RPS6KA2: variants seen among roughly 807,000 people sequenced by gnomAD.
The protein encoded by RPS6KA2 is ribosomal protein S6 kinase A2, also known as ribosomal protein S6 kinase alpha-2.
In RPS6KA2, 42 loss-of-function variants were observed where a neutral mutation model predicts 91.8. That is an observed-to-expected ratio of 0.46 (90% confidence interval 0.36 to 0.59). The LOEUF (loss-of-function observed/expected upper bound fraction) is 0.59. Ranked by LOEUF, RPS6KA2 falls within the 20% of genes least tolerant of loss-of-function variation. The pLI, the probability that RPS6KA2 is intolerant of heterozygous loss-of-function variation, is 0.00. For missense variants in RPS6KA2, 798 were observed against 978.5 expected (o/e 0.82, Z 2.46); for synonymous variants, 414 against 393.6 (o/e 1.05, Z -0.61).
intron 2 of RPS6KA2, among the ~76,000 whole-genome samples, chr6:166,844,182 A>C (rs1780554396): frequency 6.6e-6 from 1 of 152,144 alleles, no homozygotes; most frequent in East Asian, 1.9e-4. Context: ...TTCAGAGCTC[A>C]AAGACAAGGC....
intron 2 of RPS6KA2, among the ~76,000 whole-genome samples, chr6:166,747,135 C>T (rs975183838): frequency 6.6e-6 from 1 of 152,146 alleles, no homozygotes; most frequent in East Asian, 1.9e-4. Context: ...TAAGCTTGAC[C>T]GTCAGCCCCT....
At chr6:166,618,234 C>T (rs900851984) in intron 1 of RPS6KA2, among the ~76,000 whole-genome samples, 2 of 152,236 alleles carry the variant, frequency 1.3e-5, no homozygotes, top group East Asian at 1.9e-4. Context: ...GATCTGAACA[C>T]GAACCACCAC....
At chr6:166,818,545 A>G (rs942111697) in intron 2 of RPS6KA2, among the ~76,000 whole-genome samples, 3 of 152,104 alleles carry the variant, frequency 2.0e-5, no homozygotes, top group Admixed American at 2.0e-4. Context: ...GTCCCTTTCT[A>G]TTTCTCAGGA....
chr6:166,467,015 TTCAC>T (rs997972218), intron 11 of RPS6KA2, among the ~76,000 whole-genome samples: 13 of 149,826 alleles, frequency 8.7e-5, no homozygotes, highest in African/African-American at 1.2e-4. Context: ...TACTCATTCA[TTCAC>T]TCATTCATTC....
intron 10 of RPS6KA2, among the ~76,000 whole-genome samples, chr6:166,475,066 A>C (rs915537800): frequency 1.3e-5 from 2 of 152,114 alleles, no homozygotes; most frequent in Admixed American, 1.3e-4. Flanking sequence ...CGAGTCCTCC[A>C]CCTGGGAGGC....
chr6:166,474,352 G>A (rs1026408836), intron 10 of RPS6KA2, among the ~76,000 whole-genome samples: 1 of 152,244 alleles, frequency 6.6e-6, no homozygotes, highest in Non-Finnish European at 1.5e-5. Context: ...CAGGCAGCAG[G>A]TGTGCTGTGA....
In RPS6KA2 at chr6:166,715,858, T is replaced by C. The variant is rs542738757; in HGVS notation, c.123+142342A>G. On this transcript the variant is annotated intron_variant, in intron 2 of 21. Coordinates refer to the RPS6KA2 transcript ENST00000503859. ...TTCAAGACCAGCCCGGGCAACATGG[T>C]GAAACCCCGTCTCTACTAAAAATAC... is the stretch of plus-strand genomic sequence containing the variant. 9.2e-5 allele frequency among the ~76,000 whole-genome samples: 14 copies of C among 151,932 alleles called. No homozygotes were observed. In the East Asian group the frequency reaches 2.7e-3, roughly 29 times the overall value.
At chr6:166,426,834 A>G (rs1351983267) in intron 16 of RPS6KA2, among the ~76,000 whole-genome samples, 1 of 142,138 alleles carries the variant, frequency 7.0e-6, no homozygotes, top group Non-Finnish European at 1.5e-5. Context: ...AAAAGAGTCC[A>G]GGACCAGATG....
At chr6:166,760,916 T>C (rs975513048) in intron 2 of RPS6KA2, among the ~76,000 whole-genome samples, 1 of 152,208 alleles carries the variant, frequency 6.6e-6, no homozygotes, top group Non-Finnish European at 1.5e-5. Flanking sequence ...ATTAGCAAAA[T>C]AAATCAGGCC....
chr6:166,790,147 C>T (rs929585122), intron 2 of RPS6KA2, among the ~76,000 whole-genome samples: 1 of 151,956 alleles, frequency 6.6e-6, no homozygotes, highest in Non-Finnish European at 1.5e-5. Context: ...ACTAGAATAA[C>T]CAATGCAGAG....
chr6:166,549,037 C>A (rs1206091711), intron 1 of RPS6KA2, among the ~76,000 whole-genome samples: 1 of 152,174 alleles, frequency 6.6e-6, no homozygotes, highest in Non-Finnish European at 1.5e-5. Flanking sequence ...TATTTCACCA[C>A]TGAAGATACA....
intron 3 of RPS6KA2, among the ~76,000 whole-genome samples, chr6:166,521,888 T>C (rs895662292): frequency 6.6e-6 from 1 of 152,148 alleles, no homozygotes; most frequent in Admixed American, 6.5e-5. Flanking sequence ...TGGTTTTAGG[T>C]GGGGCCTCCG....
intron 2 of RPS6KA2, among the ~76,000 whole-genome samples, chr6:166,654,765 G>A (rs1263430073): frequency 6.6e-6 from 1 of 152,104 alleles, no homozygotes; most frequent in Non-Finnish European, 1.5e-5. Context: ...TTAGATTAGG[G>A]TAAAATATTT....
intron 13 of RPS6KA2, 73 bp downstream of exon 13, chr6:166,451,030 A>G: frequency 6.3e-7 from 1 of 1,585,446 alleles, no homozygotes; most frequent in South Asian, 1.1e-5. Context: ...GACTGAGGCC[A>G]CAGGGAACAC....
At chr6:166,504,935 T>C (rs1782144273) in intron 5 of RPS6KA2, among the ~76,000 whole-genome samples, 1 of 152,210 alleles carries the variant, frequency 6.6e-6, no homozygotes, top group African/African-American at 2.4e-5. Flanking sequence ...AGTAGGTTTC[T>C]GGGTTTACAT....
chr6:166,473,275 C>T (rs552625254), intron 10 of RPS6KA2, among the ~76,000 whole-genome samples: 12 of 151,946 alleles, frequency 7.9e-5, no homozygotes, highest in Non-Finnish European at 1.5e-4. Flanking sequence ...ACTGCAGCCT[C>T]GATTTCCTGG....
chr6:166,577,616 C>T (rs1417469509), intron 1 of RPS6KA2, among the ~76,000 whole-genome samples: 2 of 152,164 alleles, frequency 1.3e-5, no homozygotes, highest in East Asian at 3.9e-4. Flanking sequence ...AATAACTGTA[C>T]CCCCATTGTA....
At chr6:166,704,433 C>A (rs1039790861) in intron 2 of RPS6KA2, among the ~76,000 whole-genome samples, 2 of 152,228 alleles carry the variant, frequency 1.3e-5, no homozygotes, top group African/African-American at 4.8e-5. Flanking sequence ...GACTTAGCGA[C>A]TGACTAGGTG....
chr6:166,853,846 G>C (rs1780814817), intron 2 of RPS6KA2, among the ~76,000 whole-genome samples: 1 of 152,222 alleles, frequency 6.6e-6, no homozygotes, highest in African/African-American at 2.4e-5. Context: ...CAGCCCCGGT[G>C]CTCCTTTGCC....
Sources: gnomAD v4.1 joint callset for allele counts (sites outside exome capture counted in the v4.1 genomes callset) on GRCh38, gnomAD v4.1.1 for gene constraint, MANE v1.5 for transcripts, NCBI Gene and HGNC (gene_info 2026-07-23, HGNC 2026-07-21) for gene names.